PIBF1: variants seen among roughly 807,000 people sequenced by gnomAD.
PIBF1 encodes the protein progesterone-induced-blocking factor 1.
In PIBF1, 90 loss-of-function variants were observed where a neutral mutation model predicts 112.5. That is an observed-to-expected ratio of 0.80 (90% CI 0.67 to 0.95). The LOEUF is 0.95. Ranked by LOEUF, PIBF1 falls within the 40% of genes least tolerant of loss-of-function variation. The probability of loss-of-function intolerance (pLI) is 0.00; values close to 1 mark genes in which losing one functional copy is unlikely to be tolerated. For synonymous variants in PIBF1, 301 were observed against 288.6 expected, an observed-to-expected ratio of 1.04 and a Z score of -0.44; for missense variants, 915 against 852.3, an observed-to-expected ratio of 1.07 and a Z score of -0.92.
intron 17 of PIBF1, among the ~76,000 whole-genome samples, chr13:73,014,755 A>C (rs1247562113): frequency 3.6e-5 from 2 of 56,314 alleles, no homozygotes. Flanking sequence ...TAGTGGCATG[A>C]TCACAGCTCA....
At chr13:72,999,443 G>A (rs2043787229) in intron 17 of PIBF1, among the ~76,000 whole-genome samples, 2 of 152,014 alleles carry the variant, frequency 1.3e-5, no homozygotes, top group South Asian at 2.1e-4. Flanking sequence ...ATTAAAATAG[G>A]AGTAACATTA....
At chr13:72,786,297 A>C (rs1209840112) in intron 2 of PIBF1, among the ~76,000 whole-genome samples, 1 of 152,162 alleles carries the variant, frequency 6.6e-6, no homozygotes, top group Admixed American at 6.5e-5. Context: ...CCTGAGTTTG[A>C]CACATAATCA....
rs190698298 is a variant in PIBF1 at position 73,009,293 on chromosome 13, G to A, written c.2224-6576G>A. The stretch of plus-strand genomic sequence containing the variant: ...GGAAGGCTGATAAATGTTTTATACA[G>A]GGTGAATCTATTGCTTTACTGATAA... On this transcript the variant is annotated intron_variant, in intron 17 of 17. Coordinates refer to ENST00000326291, the MANE Select transcript of PIBF1 (RefSeq NM_006346.4). Among the ~76,000 whole-genome samples the A allele has an allele frequency of 2.6e-5, 4 of 152,314 alleles. No individual in the cohort carries two copies. The East Asian group carries it at 7.7e-4, about 29-fold the overall frequency.
chr13:72,854,815 T>C (rs1312756309), intron 10 of PIBF1, among the ~76,000 whole-genome samples: 1 of 149,360 alleles, frequency 6.7e-6, no homozygotes, highest in African/African-American at 2.4e-5. Flanking sequence ...GTATACTCCC[T>C]AGTTTTTTTT....
At chr13:72,921,934 A>C (rs1333877456) in intron 13 of PIBF1, among the ~76,000 whole-genome samples, 1 of 152,190 alleles carries the variant, frequency 6.6e-6, no homozygotes, top group Non-Finnish European at 1.5e-5. Context: ...ATTATACAGA[A>C]GCCTCTTGAA....
In PIBF1 at chr13:72,965,284, C is replaced by T. The variant is rs766757430; in HGVS notation, c.1844C>T (p.Ala615Val). ...CCTGTGTTTCTTTAGCTTGACAGAGCCAATTCGCTATTAAACCAGACTCAA... is the reference window on the plus strand; with the variant it reads ...CCTGTGTTTCTTTAGCTTGACAGAGTCAATTCGCTATTAAACCAGACTCAA... ...VTQLSQELDRANSLLNQTQQP... is the reference protein window; with the variant it reads ...VTQLSQELDRVNSLLNQTQQP... The change falls in exon 15 of 18, where the codon GCC (alanine) becomes GTC (valine). Residue 615 changes from alanine to valine, a missense_variant. Coordinates refer to ENST00000326291, the MANE Select transcript of PIBF1 (RefSeq NM_006346.4). The T allele has an allele frequency of 6.2e-7, 1 of 1,609,128 alleles. No individual in the cohort carries two copies. Among genetic ancestry groups the T allele is most frequent in the South Asian group, 1.1e-5 (1 of 89,752 alleles).
At chr13:72,795,100 T>C (rs2035125282) in intron 3 of PIBF1, among the ~76,000 whole-genome samples, 1 of 152,186 alleles carries the variant, frequency 6.6e-6, no homozygotes. Context: ...TTTTATAATT[T>C]GAATTTCTAA....
At chr13:73,000,355 A>G (rs1234506811) in intron 17 of PIBF1, among the ~76,000 whole-genome samples, 2 of 152,172 alleles carry the variant, frequency 1.3e-5, no homozygotes, top group African/African-American at 2.4e-5. Flanking sequence ...AAGACTAACA[A>G]TCTAATTGGC....
At chr13:72,904,294 A>C (rs2040602866) in intron 11 of PIBF1, among the ~76,000 whole-genome samples, 1 of 152,002 alleles carries the variant, frequency 6.6e-6, no homozygotes, top group Admixed American at 6.6e-5. Flanking sequence ...ATTGAAAATC[A>C]GATATTAAAG....
At chr13:72,807,214 A>G (rs1459020734) in intron 5 of PIBF1, among the ~76,000 whole-genome samples, 2 of 152,104 alleles carry the variant, frequency 1.3e-5, no homozygotes, top group African/African-American at 4.8e-5. Flanking sequence ...CTAAATGAAA[A>G]ACAAAAATAG....
chr13:72,900,971 G>A (rs2040461372), intron 11 of PIBF1: 6 of 343,380 alleles, frequency 1.7e-5, no homozygotes, highest in South Asian at 1.1e-4. Flanking sequence ...GCAGTGAACC[G>A]AGATTGCGCC....
intron 10 of PIBF1, among the ~76,000 whole-genome samples, chr13:72,861,871 T>A (rs1306579088): frequency 6.6e-6 from 1 of 151,974 alleles, no homozygotes; most frequent in African/African-American, 2.4e-5. Context: ...TAGAAACTAA[T>A]GAGAGAAACT....
At chr13:72,926,167 T>C (rs1025256509) in intron 13 of PIBF1, among the ~76,000 whole-genome samples, 1 of 152,232 alleles carries the variant, frequency 6.6e-6, no homozygotes, top group African/African-American at 2.4e-5. Context: ...ATTGCATATG[T>C]GGCTTGCATT....
chr13:72,794,781 C>T (rs1245373093), intron 3 of PIBF1, among the ~76,000 whole-genome samples: 1 of 152,204 alleles, frequency 6.6e-6, no homozygotes, highest in Non-Finnish European at 1.5e-5. Context: ...ATAAATTACC[C>T]AGTCTTGGGT....
chr13:72,989,147 A>G (rs995280775), intron 16 of PIBF1, among the ~76,000 whole-genome samples: 7 of 152,264 alleles, frequency 4.6e-5, no homozygotes, highest in African/African-American at 1.2e-4. Context: ...CAATCCTGGT[A>G]GTTCCTCAAA....
intron 14 of PIBF1, among the ~76,000 whole-genome samples, chr13:72,961,867 T>C (rs1254319669): frequency 3.3e-5 from 5 of 152,146 alleles, no homozygotes; most frequent in Admixed American, 3.3e-4. Flanking sequence ...ACTATGGTTG[T>C]GTATATATAA....
At chr13:72,839,629 A>G (rs542323379) in intron 9 of PIBF1, among the ~76,000 whole-genome samples, 1 of 152,310 alleles carries the variant, frequency 6.6e-6, no homozygotes, top group South Asian at 2.1e-4. Flanking sequence ...TTTAAAATAT[A>G]TGGGAACTTC....
chr13:72,944,642 GAC>G (rs1385620496), intron 14 of PIBF1, among the ~76,000 whole-genome samples: 1 of 151,932 alleles, frequency 6.6e-6, no homozygotes, highest in Non-Finnish European at 1.5e-5. Flanking sequence ...TTTTAATTAA[GAC>G]AAGTATTCAT....
At chr13:72,946,108 G>T (rs1308423261) in intron 14 of PIBF1, among the ~76,000 whole-genome samples, 1 of 152,054 alleles carries the variant, frequency 6.6e-6, no homozygotes, top group Non-Finnish European at 1.5e-5. Flanking sequence ...ACCTGAGACT[G>T]TAATCAATGA....
Sources: allele counts gnomAD v4.1 joint callset (sites outside exome capture counted in the v4.1 genomes callset), GRCh38; gene constraint gnomAD v4.1.1; transcripts MANE v1.5; gene names NCBI Gene and HGNC (gene_info 2026-07-23, HGNC 2026-07-21).